The following CPSF7 variants were observed in gnomAD, a reference collection of about 807,000 sequenced individuals.
The protein encoded by CPSF7 is cleavage and polyadenylation specific factor 7.
CPSF7 carries 1 observed loss-of-function variant against 44.3 expected under a neutral mutation model. The ratio of observed to expected loss-of-function variants is 0.02; its 90% CI spans 0.01 to 0.11. CPSF7 has a LOEUF of 0.11. Among genes scored for constraint, CPSF7 ranks in the 10% least tolerant of loss-of-function variants. The probability of loss-of-function intolerance (pLI) is 1.00; values close to 1 mark genes in which losing one functional copy is unlikely to be tolerated. For missense variants in CPSF7, 443 were observed against 607.2 expected, an observed-to-expected ratio of 0.73 and a Z score of 2.84; for synonymous variants, 202 against 222.0, an observed-to-expected ratio of 0.91 and a Z score of 0.80.
chr11:61,411,157 A>C (rs747979289), intron 8 of CPSF7, 52 bp from the exon 9 acceptor site: 12 of 1,536,022 alleles, frequency 7.8e-6, no homozygotes, highest in South Asian at 6.2e-5. Flanking sequence ...CTTTCTTTCC[A>C]AGAATGTGGT....
chr11:61,413,633 CAAAA>C (rs1192019975), intron 7 of CPSF7, among the ~76,000 whole-genome samples: 1 of 85,890 alleles, frequency 1.2e-5, no homozygotes. Context: ...GACTTCGTCT[CAAAA>C]AAAAAAAAAA....
intron 3 of CPSF7, 55 bp from the exon 4 acceptor site, chr11:61,420,628 C>G (rs1860774395): frequency 7.4e-7 from 1 of 1,357,036 alleles, no homozygotes; most frequent in Admixed American, 1.7e-5. Flanking sequence ...CCCCCGCCCG[C>G]CAATGTCCCA....
intron 7 of CPSF7, among the ~76,000 whole-genome samples, chr11:61,414,495 A>C (rs1484385098): frequency 1.3e-5 from 2 of 152,232 alleles, no homozygotes; most frequent in African/African-American, 4.8e-5. Flanking sequence ...TGGTGGGAAA[A>C]AAATGAAGGG....
At position 61,416,981 on chromosome 11, in the gene CPSF7, G is replaced by C. The variant is rs373846735; in HGVS notation, c.524-462C>G. ...GTTGCACACTTAAAATGTTCTCTTT[G>C]CCACAGGGTGTTGGCTAGGGAATTT... On this transcript the variant is annotated intron_variant, in intron 5 of 9. Coordinates refer to ENST00000439958, the MANE Select transcript of CPSF7 (RefSeq NM_001142565.3). Among the ~76,000 whole-genome samples, 6 of 152,118 alleles carry C rather than the reference G, an allele frequency of 3.9e-5. No individual in the cohort carries two copies. In the East Asian group the frequency reaches 9.6e-4, roughly 24 times the overall value.
intron 5 of CPSF7, among the ~76,000 whole-genome samples, chr11:61,418,804 C>T (rs1363360438): frequency 6.6e-6 from 1 of 152,028 alleles, no homozygotes; most frequent in African/African-American, 2.4e-5. Context: ...CTGCAACCTC[C>T]ACCTCCTGGA....
rs763108582 is a variant in CPSF7, at chr11:61,419,889, CA to C, written c.523+59del. 1.9e-5 allele frequency: 30 copies of C among 1,589,094 alleles called. 1 individual carries two copies. The highest frequency in any genetic ancestry group is 2.5e-5 in the Non-Finnish European group (29 of 1,166,862). ...ACACCATAGAAAACAAACCCACAAA[CA>C]CCCCCCCCTCATACAGATGGTCTCC... On this transcript the variant is annotated intron_variant, in intron 5 of 9. Transcript: ENST00000439958.
chr11:61,411,866 C>G lies in CPSF7; in HGVS notation c.1129G>C (p.Asp377His), dbSNP rs941970622. The change falls in exon 8 of 10, where the codon GAT becomes CAT. Residue 377 changes from aspartate (D) to histidine (H), a missense_variant. Coordinates refer to ENST00000439958, the MANE Select transcript of CPSF7 (RefSeq NM_001142565.3). ...GAGATGAGGACACGGCAACGCTCAT[C>G]ATTGGCAACCCGGGACTGTTTGATA... ...AVIKQSRVAN[D>H]ERCRVLISSL... 3.1e-6 allele frequency: 5 copies of G among 1,614,096 alleles called. No homozygotes were observed. Among genetic ancestry groups the G allele is most frequent in the Non-Finnish European group, 4.2e-6 (5 of 1,180,024 alleles).
chr11:61,423,053 G>A (rs1412173245), intron 2 of CPSF7, among the ~76,000 whole-genome samples: 1 of 145,926 alleles, frequency 6.9e-6, no homozygotes, highest in Non-Finnish European at 1.5e-5. Context: ...CTCGAGCCCG[G>A]GAGGTTGAGG....
chr11:61,420,473 T>G lies in CPSF7; in HGVS notation c.374A>C (p.Lys125Thr). 6.2e-7 allele frequency: 1 copy of G among 1,611,178 alleles called. No homozygotes were observed. The highest frequency in any genetic ancestry group is 8.5e-7 in the Non-Finnish European group (1 of 1,177,306). ...GCTTCTCAAATCCAGACCTCACCCT[T>G]TGGACTGGCCATTTGCTCGATTCTC... The part of the protein sequence containing the change: ...FAENRANGQS[K>T]GYAEVVVASE... Residue 125 changes from lysine (K) to threonine (T), a missense_variant, in exon 4 of 10, where the codon AAA becomes ACA. Transcript: ENST00000439958.
chr11:61,429,275 A>G lies in CPSF7; in HGVS notation c.-40T>C. The G allele has an allele frequency of 6.2e-7, 1 of 1,611,468 alleles. No homozygotes were observed. The highest frequency in any genetic ancestry group is 8.5e-7 in the Non-Finnish European group (1 of 1,177,666). ...GATCGCGAGTCCGGAGGATGGACAAAGTAAGGAAGATGCCACTGCGGGATT... is the reference window on the plus strand; with the variant it reads ...GATCGCGAGTCCGGAGGATGGACAAGGTAAGGAAGATGCCACTGCGGGATT... On this transcript the variant is annotated 5_prime_UTR_variant, in exon 2 of 10. Transcript: ENST00000439958.
At chr11:61,410,555 GGACT>G (rs1325924357) in intron 9 of CPSF7, 3 of 164,852 alleles carry the variant, frequency 1.8e-5, no homozygotes, top group Non-Finnish European at 3.9e-5. Flanking sequence ...TGGTCTACAT[GGACT>G]CTCTCACTAA....
intron 9 of CPSF7, among the ~76,000 whole-genome samples, chr11:61,409,927 G>A (rs965768820): frequency 6.6e-6 from 1 of 152,004 alleles, no homozygotes; most frequent in East Asian, 1.9e-4. Flanking sequence ...CTGAGATCAT[G>A]CCACTATACT....
At chr11:61,419,011 C>A (rs192758111) in intron 5 of CPSF7, among the ~76,000 whole-genome samples, 3 of 152,080 alleles carry the variant, frequency 2.0e-5, no homozygotes, top group South Asian at 4.2e-4. Flanking sequence ...AGCCACCATG[C>A]CCAGCCCCTA....
chr11:61,414,461 T>C (rs1251681772), intron 7 of CPSF7, among the ~76,000 whole-genome samples: 2 of 152,166 alleles, frequency 1.3e-5, no homozygotes, highest in African/African-American at 2.4e-5. Context: ...AAAAGACTAA[T>C]TTAGATGTCA....
intron 5 of CPSF7, among the ~76,000 whole-genome samples, 197 bp from the exon 6 acceptor site, chr11:61,416,716 A>AT (rs1860374009): frequency 6.6e-6 from 1 of 152,202 alleles, no homozygotes; most frequent in Non-Finnish European, 1.5e-5. Context: ...CCAAAAAACA[A>AT]TATCGTCCTA....
chr11:61,420,275 C>A (rs1860743140), intron 4 of CPSF7, among the ~76,000 whole-genome samples, 181 bp from the exon 5 acceptor site: 1 of 152,142 alleles, frequency 6.6e-6, no homozygotes, highest in African/African-American at 2.4e-5. Flanking sequence ...AATTAAAAAT[C>A]AGTATTCTTC....
intron 7 of CPSF7, among the ~76,000 whole-genome samples, chr11:61,414,010 C>T (rs1860083985): frequency 6.6e-6 from 1 of 152,046 alleles, no homozygotes; most frequent in Non-Finnish European, 1.5e-5. Flanking sequence ...AACAGGAGAT[C>T]AAGATTCAGT....
At chr11:61,420,614 T>C (rs1328571649) in intron 3 of CPSF7, 41 bp from the exon 4 acceptor site, 1 of 1,497,490 alleles carries the variant, frequency 6.7e-7, no homozygotes, top group Non-Finnish European at 9.3e-7. Context: ...TGTCAAGAGC[T>C]ACACCCCCGC....
chr11:61,409,150 A>AAAAAAC (rs1341847294), intron 9 of CPSF7, among the ~76,000 whole-genome samples: 3 of 152,002 alleles, frequency 2.0e-5, no homozygotes, highest in Non-Finnish European at 4.4e-5. Flanking sequence ...GTGTCTATTA[A>AAAAAAC]AAAAACAAAA....
Sources: allele counts gnomAD v4.1 joint callset (sites outside exome capture counted in the v4.1 genomes callset), GRCh38; gene constraint gnomAD v4.1.1; transcripts MANE v1.5; gene names NCBI Gene and HGNC (gene_info 2026-07-23, HGNC 2026-07-21).